TSHZ2: variants seen among roughly 807,000 people sequenced by gnomAD.
The protein encoded by TSHZ2 is teashirt homolog 2.
TSHZ2 carries 21 observed loss-of-function variants against 74.4 expected under a neutral mutation model. That is an observed-to-expected ratio of 0.28 (90% CI 0.20 to 0.41). TSHZ2 has a LOEUF of 0.41. Ranked by LOEUF, TSHZ2 falls within the 10% of genes least tolerant of loss-of-function variation. The pLI is 1.00. For missense variants in TSHZ2, 1,244 were observed against 1,293.5 expected, an observed-to-expected ratio of 0.96 and a Z score of 0.59; for synonymous variants, 540 against 515.3, an observed-to-expected ratio of 1.05 and a Z score of -0.65.
intron 1 of TSHZ2, among the ~76,000 whole-genome samples, chr20:53,247,500 T>C (rs1411338584): frequency 6.6e-6 from 1 of 152,232 alleles, no homozygotes; most frequent in Non-Finnish European, 1.5e-5. Flanking sequence ...TATATCTCTT[T>C]ACTCAGCCTG....
chr20:53,179,515 T>C (rs1988422470), intron 1 of TSHZ2: 1 of 152,230 alleles, frequency 6.6e-6, no homozygotes, highest in Non-Finnish European at 1.5e-5. Flanking sequence ...ACAAACTACC[T>C]GGACAGTTGA....
At chr20:53,434,514 A>G (rs984703329) in intron 2 of TSHZ2, among the ~76,000 whole-genome samples, 3 of 152,238 alleles carry the variant, frequency 2.0e-5, no homozygotes, top group African/African-American at 7.2e-5. Context: ...TAGGTTTTGG[A>G]AGAATCATAA....
At chr20:53,202,528 C>T (rs1353192684) in intron 1 of TSHZ2, among the ~76,000 whole-genome samples, 1 of 152,080 alleles carries the variant, frequency 6.6e-6, no homozygotes, top group African/African-American at 2.4e-5. Context: ...GAGCTCGGTG[C>T]TTTATGTTAA....
chr20:53,298,729 T>A (rs1314928848), intron 2 of TSHZ2, among the ~76,000 whole-genome samples: 1 of 152,158 alleles, frequency 6.6e-6, no homozygotes, highest in Admixed American at 6.5e-5. Flanking sequence ...TGAGAGAACA[T>A]ACTGGGATGC....
intron 1 of TSHZ2, among the ~76,000 whole-genome samples, chr20:53,050,071 ACTCAAT>A (rs1284446716): frequency 2.3e-5 from 3 of 132,606 alleles, no homozygotes; most frequent in Admixed American, 7.8e-5. Context: ...ACAAAGTGAG[ACTCAAT>A]CTCAAAAAAA....
In TSHZ2 at chr20:53,043,303, GCCTCTCAGGGGACATTACCAAATGTCC is replaced by G. The variant is rs572956060; in HGVS notation, c.40+69973_40+69999del. ...ACTGTTCTCAACAGGAGGTGGTTTT[GCCTCTCAGGGGACATTACCAAATGTCC>G]CCGTTTTTGTTGTCACAACTCAGGG... is the stretch of plus-strand genomic sequence containing the variant. On this transcript the variant is annotated intron_variant, in intron 1 of 2. Transcript: ENST00000371497. Among the ~76,000 whole-genome samples the G allele has an allele frequency of 1.1e-4, 16 of 152,244 alleles. 1 individual carries two copies. The East Asian group carries it at 3.1e-3, about 29-fold the overall frequency.
intron 1 of TSHZ2, among the ~76,000 whole-genome samples, chr20:53,245,261 C>T (rs951233640): frequency 6.6e-6 from 1 of 152,186 alleles, no homozygotes; most frequent in African/African-American, 2.4e-5. Flanking sequence ...ATTGTCTTGT[C>T]CTTCCCAAGA....
At chr20:53,411,751 C>T (rs1983061697) in intron 2 of TSHZ2, among the ~76,000 whole-genome samples, 1 of 152,004 alleles carries the variant, frequency 6.6e-6, no homozygotes, top group South Asian at 2.1e-4. Context: ...ATATCTTCAG[C>T]CTAGGAAGTC....
intron 1 of TSHZ2, among the ~76,000 whole-genome samples, chr20:53,236,626 G>A (rs1989945306): frequency 6.6e-6 from 1 of 152,144 alleles, no homozygotes; most frequent in Non-Finnish European, 1.5e-5. Context: ...CAGTTTCTGG[G>A]CATGTGACTG....
At chr20:52,998,960 A>G (rs1982308639) in intron 1 of TSHZ2, among the ~76,000 whole-genome samples, 1 of 152,222 alleles carries the variant, frequency 6.6e-6, no homozygotes, top group African/African-American at 2.4e-5. Context: ...ACTATTTTTA[A>G]GCACTTTCCA....
chr20:53,114,010 CTT>C (rs1341287643), intron 1 of TSHZ2, among the ~76,000 whole-genome samples: 3 of 151,078 alleles, frequency 2.0e-5, no homozygotes, highest in Non-Finnish European at 4.4e-5. Context: ...AAGAGAATCA[CTT>C]GAGTCTAGGA....
intron 1 of TSHZ2, among the ~76,000 whole-genome samples, chr20:53,161,888 G>T (rs1320871252): frequency 6.6e-6 from 1 of 152,146 alleles, no homozygotes; most frequent in Non-Finnish European, 1.5e-5. Context: ...CTATATCTCA[G>T]GCACTGTATA....
chr20:53,447,378 T>G (rs974262548), intron 2 of TSHZ2, among the ~76,000 whole-genome samples: 51 of 152,344 alleles, frequency 3.3e-4, no homozygotes, highest in African/African-American at 1.2e-3. Flanking sequence ...TTTTTACACC[T>G]TTTATTTTGA....
intron 1 of TSHZ2, among the ~76,000 whole-genome samples, chr20:53,022,664 C>G (rs995645197): frequency 1.3e-5 from 2 of 152,134 alleles, no homozygotes; most frequent in African/African-American, 4.8e-5. Context: ...CATAAAAATG[C>G]CAAGCACATG....
At chr20:53,121,886 A>G (rs1160848618) in intron 1 of TSHZ2, among the ~76,000 whole-genome samples, 1 of 152,108 alleles carries the variant, frequency 6.6e-6, no homozygotes, top group Non-Finnish European at 1.5e-5. Flanking sequence ...CAAGTGATCT[A>G]TTGGAAATGA....
intron 2 of TSHZ2, among the ~76,000 whole-genome samples, chr20:53,469,754 AAGAT>A (rs745799327): frequency 0.012 from 1,504 of 125,258 alleles, 79 homozygotes; most frequent in Non-Finnish European, 0.02. Context: ...GGACCCAAGA[AAGAT>A]AGAGAGGGAG....
intron 1 of TSHZ2, among the ~76,000 whole-genome samples, chr20:53,123,568 A>G (rs1391283401): frequency 6.6e-6 from 1 of 152,168 alleles, no homozygotes; most frequent in Non-Finnish European, 1.5e-5. Context: ...AAAAGCCTGA[A>G]CAAGTCCATT....
At chr20:52,990,887 C>T (rs1216653155) in intron 1 of TSHZ2, among the ~76,000 whole-genome samples, 1 of 152,050 alleles carries the variant, frequency 6.6e-6, no homozygotes, top group Non-Finnish European at 1.5e-5. Context: ...TGTGTTGGGT[C>T]TATTACCTCT....
At chr20:53,421,832 G>A (rs567937508) in intron 2 of TSHZ2, among the ~76,000 whole-genome samples, 13 of 151,668 alleles carry the variant, frequency 8.6e-5, no homozygotes, top group Admixed American at 7.2e-4. Flanking sequence ...ACAGGCGCCC[G>A]CCACCATGCC....
Sources: gnomAD v4.1 joint callset for allele counts (sites outside exome capture counted in the v4.1 genomes callset) on GRCh38, gnomAD v4.1.1 for gene constraint, MANE v1.5 for transcripts, NCBI Gene and HGNC (gene_info 2026-07-23, HGNC 2026-07-21) for gene names.